Variants in SPIDR observed in about 807,000 individuals in gnomAD.
The protein encoded by SPIDR is scaffold protein involved in DNA repair.
In SPIDR, 93 loss-of-function variants were observed where a neutral mutation model predicts 104.6. That is an observed-to-expected ratio of 0.89 (90% CI 0.75 to 1.06). SPIDR has a LOEUF of 1.06. Among genes scored for constraint, SPIDR ranks in the 50% least tolerant of loss-of-function variants. The pLI is 0.00. For missense variants in SPIDR, 1,154 were observed against 1,111.2 expected, an observed-to-expected ratio of 1.04 and a Z score of -0.55; for synonymous variants, 431 against 416.9, an observed-to-expected ratio of 1.03 and a Z score of -0.41.
At chr8:47,448,100 G>A (rs2071021671) in intron 8 of SPIDR, among the ~76,000 whole-genome samples, 1 of 151,990 alleles carries the variant, frequency 6.6e-6, no homozygotes, top group Admixed American at 6.6e-5. Flanking sequence ...TTTATTTACT[G>A]GTGACAGCTT....
intron 8 of SPIDR, among the ~76,000 whole-genome samples, chr8:47,585,487 C>T (rs28758213): frequency 1.9e-3 from 284 of 152,190 alleles, no homozygotes; most frequent in Non-Finnish European, 3.0e-3. Context: ...ATAATACAGA[C>T]AGATCAACTT....
chr8:47,262,318 C>T (rs2032653956), intron 1 of SPIDR, among the ~76,000 whole-genome samples: 1 of 152,130 alleles, frequency 6.6e-6, no homozygotes, highest in Admixed American at 6.6e-5. Context: ...TTTTTCAAGA[C>T]TCTTTTTTTT....
At chr8:47,510,090 A>G (rs1252334544) in intron 8 of SPIDR, among the ~76,000 whole-genome samples, 5 of 152,252 alleles carry the variant, frequency 3.3e-5, no homozygotes, top group Non-Finnish European at 7.3e-5. Flanking sequence ...TAAAATCTGC[A>G]TTTCGATTTC....
chr8:47,279,766 A>T, intron 1 of SPIDR, 96 bp from the exon 2 acceptor site: 1 of 1,258,786 alleles, frequency 7.9e-7, no homozygotes, highest in Non-Finnish European at 1.1e-6. Flanking sequence ...TGCCACTTCT[A>T]GGTTTTCAGA....
At chr8:47,349,712 A>C (rs1476354045) in intron 5 of SPIDR, among the ~76,000 whole-genome samples, 1 of 152,190 alleles carries the variant, frequency 6.6e-6, no homozygotes, top group Non-Finnish European at 1.5e-5. Context: ...GCCACCTCGC[A>C]GTTCTATCTC....
At chr8:47,511,380 G>A (rs1319147296) in intron 8 of SPIDR, 15 of 931,088 alleles carry the variant, frequency 1.6e-5, no homozygotes, top group African/African-American at 3.2e-5. Flanking sequence ...TCTGACCCTC[G>A]CCAGTGAAGG....
chr8:47,682,050 A>G (rs754968981), intron 11 of SPIDR, among the ~76,000 whole-genome samples: 3 of 152,294 alleles, frequency 2.0e-5, no homozygotes, highest in Admixed American at 6.5e-5. Context: ...ATAAAATTCA[A>G]AAGTGATACA....
At position 47,461,475 on chromosome 8, in the gene SPIDR, C is replaced by G. The variant is rs1165948236; in HGVS notation, c.1097+20933C>G. Among the ~76,000 whole-genome samples, 4 of 152,270 alleles carry G rather than the reference C, an allele frequency of 2.6e-5. No individual in the cohort carries two copies. In the East Asian group the frequency reaches 5.8e-4, roughly 22 times the overall value. On this transcript the variant is annotated intron_variant, in intron 8 of 19. Coordinates refer to ENST00000297423, the MANE Select transcript of SPIDR (RefSeq NM_001080394.4). ...TACAGGCACCTGCCACCAGGTCCAG[C>G]TAATTTTTGTATTTCTAGTAGAGAT...
At chr8:47,424,604 C>T (rs1358713342) in intron 7 of SPIDR, among the ~76,000 whole-genome samples, 1 of 152,240 alleles carries the variant, frequency 6.6e-6, no homozygotes, top group African/African-American at 2.4e-5. Flanking sequence ...AGGCGTTAGC[C>T]ACCATACCCG....
intron 8 of SPIDR, among the ~76,000 whole-genome samples, chr8:47,516,129 C>G (rs550193394): frequency 1.3e-4 from 20 of 152,294 alleles, no homozygotes; most frequent in South Asian, 1.2e-3. Flanking sequence ...TTTTAAGACA[C>G]AAAGTCTGCC....
At chr8:47,536,089 A>AAT (rs147707352) in intron 8 of SPIDR, among the ~76,000 whole-genome samples, 95,393 of 149,504 alleles carry the variant, frequency 0.64, 31,014 homozygotes, top group East Asian at 0.81. Flanking sequence ...ATAATCTAAA[A>AAT]ATATATATAT....
At chr8:47,702,755 T>G (rs2080490555) in intron 14 of SPIDR, among the ~76,000 whole-genome samples, 1 of 152,304 alleles carries the variant, frequency 6.6e-6, no homozygotes, top group South Asian at 2.1e-4. Context: ...GTGCACCGGG[T>G]GCATCTGCCA....
chr8:47,493,871 T>C (rs2154368098), intron 8 of SPIDR, among the ~76,000 whole-genome samples: 1 of 152,262 alleles, frequency 6.6e-6, no homozygotes, highest in South Asian at 2.1e-4. Context: ...GCTTCCCCCA[T>C]CCCAAGTTAA....
chr8:47,496,189 C>A (rs1036102937), intron 8 of SPIDR, among the ~76,000 whole-genome samples: 1 of 151,972 alleles, frequency 6.6e-6, no homozygotes, highest in Non-Finnish European at 1.5e-5. Flanking sequence ...ATTTATTCCC[C>A]CCTTGCCTCA....
At chr8:47,491,660 G>A (rs938891076) in intron 8 of SPIDR, among the ~76,000 whole-genome samples, 1 of 152,088 alleles carries the variant, frequency 6.6e-6, no homozygotes, top group South Asian at 2.1e-4. Context: ...GCTGTTCTCT[G>A]CTGTCTGCTT....
chr8:47,731,410 G>A (rs1187817718), intron 19 of SPIDR, among the ~76,000 whole-genome samples: 1 of 152,216 alleles, frequency 6.6e-6, no homozygotes, highest in Non-Finnish European at 1.5e-5. Context: ...ATCAGCAAGT[G>A]TTCCCCAGTG....
intron 10 of SPIDR, among the ~76,000 whole-genome samples, chr8:47,655,353 T>C (rs1221161612): frequency 2.6e-5 from 4 of 152,266 alleles, no homozygotes; most frequent in African/African-American, 7.2e-5. Context: ...ACAGTAAAAC[T>C]GTTCCTGTTT....
At position 47,524,643 on chromosome 8, in the gene SPIDR, C is replaced by T. The variant is rs115921576; in HGVS notation, c.1098-71168C>T. ...TTGCGGGTGCCTGGGCCAAAGTATG[C>T]GACTGTCCTGATTCTCTGAAGGTCT... On this transcript the variant is annotated intron_variant, in intron 8 of 19. Transcript: ENST00000297423. Among the ~76,000 whole-genome samples the T allele has an allele frequency of 4.7e-3, 720 of 152,260 alleles. 6 individuals carry two copies. The highest frequency in any genetic ancestry group is 0.016 in the African/African-American group (681 of 41,548).
chr8:47,429,817 T>TA (rs1225231243), intron 7 of SPIDR, among the ~76,000 whole-genome samples: 1 of 151,442 alleles, frequency 6.6e-6, no homozygotes, highest in Non-Finnish European at 1.5e-5. Context: ...ATATTTTTTT[T>TA]ATTTTATTTT....
Sources: gnomAD v4.1 joint callset for allele counts (sites outside exome capture counted in the v4.1 genomes callset) on GRCh38, gnomAD v4.1.1 for gene constraint, MANE v1.5 for transcripts, NCBI Gene and HGNC (gene_info 2026-07-23, HGNC 2026-07-21) for gene names.